ANO5: variants seen among roughly 807,000 people sequenced by gnomAD.
ANO5 encodes the protein anoctamin 5.
A neutral mutation model predicts 121.0 loss-of-function variants in ANO5; 109 were observed. That is an observed-to-expected ratio of 0.90 (90% confidence interval 0.77 to 1.06). The LOEUF (loss-of-function observed/expected upper bound fraction) is 1.06. Ranked by LOEUF, ANO5 falls within the 50% of genes least tolerant of loss-of-function variation. The pLI is 0.00. For missense variants in ANO5, 1,064 were observed against 1,078.5 expected, an observed-to-expected ratio of 0.99 and a Z score of 0.19; for synonymous variants, 406 against 359.9, an observed-to-expected ratio of 1.13 and a Z score of -1.45.
intron 2 of ANO5, among the ~76,000 whole-genome samples, chr11:22,210,970 T>C (rs566073703): frequency 2.0e-5 from 3 of 152,046 alleles, no homozygotes; most frequent in African/African-American, 7.2e-5. Context: ...TCTTTTATGA[T>C]TTGATAAAGC....
rs1213874638 is a variant in ANO5, at chr11:22,280,612, A to G, written c.*847A>G. On this transcript the variant is annotated 3_prime_UTR_variant, in exon 22 of 22. Transcript: ENST00000324559. Reference sequence around the variant, plus strand: ...TTAATTTGTTGATTTTAATTTAGAAAATTGTTAAATTATTTCTTAAAAATC... The same window carrying G: ...TTAATTTGTTGATTTTAATTTAGAAGATTGTTAAATTATTTCTTAAAAATC... The G allele has an allele frequency of 6.6e-6, 1 of 151,952 alleles. No individual in the cohort carries two copies. Among genetic ancestry groups the G allele is most frequent in the Non-Finnish European group, 1.5e-5 (1 of 67,860 alleles). 9.4% of individuals were successfully genotyped at this position (151,952 alleles called of 1,614,324 possible).
chr11:22,270,378 G>A lies in ANO5; in HGVS notation c.1965G>A (p.Trp655Ter), dbSNP rs760137559. ...RTNSEKLYSR[W>*]EQDHDLESFG... is the part of the protein sequence containing the mutation. ...ACTCTGAGAAGCTGTATAGTCGATG[G>A]GAGCAGGATCATGACCTTGAAAGTT... is the stretch of plus-strand genomic sequence containing the variant. The change falls in exon 18 of 22, where the codon TGG becomes TGA. Residue 655 changes from tryptophan to a stop codon, truncating the protein, a stop_gained. Transcript: ENST00000324559. LOFTEE classifies it high-confidence loss of function. 1.2e-6 allele frequency: 2 copies of A among 1,614,118 alleles called. No individual in the cohort carries two copies. The highest frequency in any genetic ancestry group is 1.7e-6 in the Non-Finnish European group (2 of 1,180,004).
chr11:22,255,914 T>C (rs1466939240), intron 13 of ANO5, among the ~76,000 whole-genome samples: 1 of 152,310 alleles, frequency 6.6e-6, no homozygotes, highest in East Asian at 1.9e-4. Context: ...ATGTGTATGC[T>C]GTGGGCTTTG....
chr11:22,214,245 C>G (rs1290798216), intron 3 of ANO5, among the ~76,000 whole-genome samples: 1 of 151,700 alleles, frequency 6.6e-6, no homozygotes, highest in Non-Finnish European at 1.5e-5. Flanking sequence ...CTTGGTATAC[C>G]CCTATTATTG....
chr11:22,271,059 A>C (rs985879936), intron 18 of ANO5, among the ~76,000 whole-genome samples: 1 of 151,860 alleles, frequency 6.6e-6, no homozygotes, highest in African/African-American at 2.4e-5. Flanking sequence ...CGCAGAATTA[A>C]GGAAACTGTT....
rs1003731138 is a variant in ANO5, at chr11:22,282,968, G to A, written c.*3203G>A. ...CCTTACAAGTCAGCCACAATGAGTC[G>A]GTATAACTACTGTGTTATTCTTTTT... On this transcript the variant is annotated 3_prime_UTR_variant, in exon 22 of 22. Coordinates refer to ENST00000324559, the MANE Select transcript of ANO5 (RefSeq NM_213599.3). The A allele has an allele frequency of 5.3e-5, 8 of 152,096 alleles. No individual in the cohort carries two copies. Among genetic ancestry groups the A allele is most frequent in the South Asian group, 2.1e-4 (1 of 4,828 alleles). 9.4% of individuals were successfully genotyped at this position (152,096 alleles called of 1,614,324 possible). A position where few individuals can be genotyped will look rare whatever the true frequency, so the allele number is the denominator to read the frequency against.
At chr11:22,248,370 A>G (rs938627737) in intron 9 of ANO5, among the ~76,000 whole-genome samples, 8 of 152,162 alleles carry the variant, frequency 5.3e-5, no homozygotes, top group Non-Finnish European at 8.8e-5. Context: ...GGCTCTCCCT[A>G]TATTTGAGCT....
chr11:22,253,426 G>A (rs1186177190), intron 12 of ANO5, among the ~76,000 whole-genome samples: 1 of 152,090 alleles, frequency 6.6e-6, no homozygotes, highest in African/African-American at 2.4e-5. Context: ...TAAATGATTA[G>A]TGTATTTAAA....
chr11:22,272,435 C>T (rs1453302147), intron 18 of ANO5, among the ~76,000 whole-genome samples: 1 of 151,754 alleles, frequency 6.6e-6, no homozygotes, highest in Non-Finnish European at 1.5e-5. Flanking sequence ...ACTTGGTTAC[C>T]TCACTAAATT....
chr11:22,266,308 G>A (rs1402098192), intron 17 of ANO5, among the ~76,000 whole-genome samples: 1 of 152,018 alleles, frequency 6.6e-6, no homozygotes, highest in Non-Finnish European at 1.5e-5. Flanking sequence ...GAGTATGCTC[G>A]TCTGTTTGAT....
chr11:22,248,094 G>A (rs1853682231), intron 9 of ANO5, among the ~76,000 whole-genome samples: 1 of 152,030 alleles, frequency 6.6e-6, no homozygotes, highest in Non-Finnish European at 1.5e-5. Flanking sequence ...TGCATTGATT[G>A]ATTTATCAAG....
intron 3 of ANO5, among the ~76,000 whole-genome samples, chr11:22,215,182 C>T (rs1345430669): frequency 6.6e-6 from 1 of 151,836 alleles, no homozygotes; most frequent in Admixed American, 6.6e-5. Flanking sequence ...GACAGATATG[C>T]AATTAACAGA....
At chr11:22,204,935 T>A (rs1852065907) in intron 2 of ANO5, among the ~76,000 whole-genome samples, 1 of 152,084 alleles carries the variant, frequency 6.6e-6, no homozygotes, top group African/African-American at 2.4e-5. Flanking sequence ...AGCAAAGACA[T>A]GGAATCAACC....
At chr11:22,220,390 G>C (rs1322796945) in intron 4 of ANO5, among the ~76,000 whole-genome samples, 1 of 151,932 alleles carries the variant, frequency 6.6e-6, no homozygotes, top group Non-Finnish European at 1.5e-5. Flanking sequence ...TGTTTTTGCT[G>C]TTTTTAAAGT....
At chr11:22,192,550 G>A (rs1268874511), upstream of ANO5, among the ~76,000 whole-genome samples, 1 of 152,202 alleles carries the variant, frequency 6.6e-6, no homozygotes, top group Non-Finnish European at 1.5e-5. Flanking sequence ...GCCTTAAAAG[G>A]GAGGGGTTCC....
In ANO5 at chr11:22,276,213, A is replaced by G; in HGVS notation, c.2520+14A>G. ...ATTGTTATGGAAGTAAGCTGTTCTT[A>G]ACTTTCATTCGAGTTACTCTCTTCT... On this transcript the variant is annotated intron_variant, in intron 21 of 21. Coordinates refer to ENST00000324559, the MANE Select transcript of ANO5 (RefSeq NM_213599.3). 6.3e-7 allele frequency: 1 copy of G among 1,584,430 alleles called. No individual in the cohort carries two copies. The highest frequency in any genetic ancestry group is 2.2e-5 in the East Asian group (1 of 44,590).
At chr11:22,253,718 A>G (rs1853902666) in intron 12 of ANO5, among the ~76,000 whole-genome samples, 1 of 152,188 alleles carries the variant, frequency 6.6e-6, no homozygotes. Flanking sequence ...ACCTGTTGTT[A>G]AGAAAGTTAC....
At chr11:22,237,118 G>A (rs1020781868) in intron 8 of ANO5, among the ~76,000 whole-genome samples, 2 of 152,046 alleles carry the variant, frequency 1.3e-5, no homozygotes, top group Non-Finnish European at 2.9e-5. Flanking sequence ...TCATCCCTTG[G>A]AATGTCTATT....
rs1250124280 is a variant in ANO5 at position 22,228,483 on chromosome 11, A to AT, written c.648+904dup. Reference sequence around the variant, plus strand: ...CATCTCCATCATCTTAAAATTTTTCATTTTTTTGTGATGAGACCATTCAAA... The same window carrying AT: ...CATCTCCATCATCTTAAAATTTTTCATTTTTTTTGTGATGAGACCATTCAAA... On this transcript the variant is annotated intron_variant, in intron 7 of 21. Coordinates refer to ENST00000324559, the MANE Select transcript of ANO5 (RefSeq NM_213599.3). Among the ~76,000 whole-genome samples the AT allele has an allele frequency of 6.6e-5, 10 of 152,072 alleles. No homozygotes were observed. In the East Asian group the frequency reaches 1.7e-3, roughly 26 times the overall value.
Sources: allele counts gnomAD v4.1 joint callset (sites outside exome capture counted in the v4.1 genomes callset), GRCh38; gene constraint gnomAD v4.1.1; transcripts MANE v1.5; gene names NCBI Gene and HGNC (gene_info 2026-07-23, HGNC 2026-07-21).